The following LRRC37A3 variants were observed in gnomAD, a reference collection of about 807,000 sequenced individuals.
LRRC37A3 encodes leucine-rich repeat-containing protein 37A3.
LRRC37A3 carries 25 observed loss-of-function variants against 106.2 expected under a neutral mutation model. The observed-to-expected ratio is 0.24, with a 90% CI of 0.17 to 0.33. The LOEUF (loss-of-function observed/expected upper bound fraction) is 0.33. Among genes scored for constraint, LRRC37A3 ranks in the 10% least tolerant of loss-of-function variants. The pLI is 1.00. For missense variants in LRRC37A3, 712 were observed against 1,644.9 expected (o/e 0.43, Z 9.81); for synonymous variants, 305 against 635.8 (o/e 0.48, Z 7.83).
intron 10 of LRRC37A3, among the ~76,000 whole-genome samples, chr17:64,865,663 C>A (rs1176249995): frequency 3.3e-5 from 5 of 152,100 alleles, no homozygotes; most frequent in Non-Finnish European, 7.4e-5. Flanking sequence ...GACATAATGA[C>A]CCTTCACCAT....
At chr17:64,863,145 G>C in intron 10 of LRRC37A3, 127 bp from the exon 11 acceptor site, 4 of 1,317,590 alleles carry the variant, frequency 3.0e-6, no homozygotes, top group Non-Finnish European at 4.3e-6. Flanking sequence ...TGGACAGTTG[G>C]GTAGGAACCA....
intron 8 of LRRC37A3, among the ~76,000 whole-genome samples, chr17:64,872,917 G>C (rs1186609584): frequency 1.3e-5 from 2 of 152,078 alleles, no homozygotes; most frequent in Non-Finnish European, 2.9e-5. Context: ...GTCTAGCTGA[G>C]TGCTGAAGGT....
chr17:64,863,373 G>A (rs916772359), intron 10 of LRRC37A3: 36 of 259,878 alleles, frequency 1.4e-4, no homozygotes, highest in Non-Finnish European at 2.1e-4. Context: ...CCCAACTTCC[G>A]GAGTCCCTTT....
chr17:64,881,067 C>T (rs1183542000), intron 8 of LRRC37A3: 36 of 700,074 alleles, frequency 5.1e-5, no homozygotes, highest in Middle Eastern at 7.3e-4. Flanking sequence ...CCAATATGCG[C>T]GATGTACTTG....
At chr17:64,899,596 A>T (rs1430816453) in intron 2 of LRRC37A3, among the ~76,000 whole-genome samples, 1 of 145,936 alleles carries the variant, frequency 6.9e-6, no homozygotes, top group Non-Finnish European at 1.5e-5. Context: ...CACCCAAGAT[A>T]CGTGGGAGAT....
chr17:64,860,710 T>A lies in LRRC37A3; in HGVS notation c.3436A>T (p.Thr1146Ser), dbSNP rs1972839041. 6.2e-7 allele frequency: 1 copy of A among 1,613,870 alleles called. No homozygotes were observed. The highest frequency in any genetic ancestry group is 8.5e-7 in the Non-Finnish European group (1 of 1,179,892). ...SLLLPFIKLP[T>S]TGNSLAKIQT... Reference sequence around the variant, plus strand: ...ATCTTTGCCAGGCTGTTTCCTGTGGTTGGCAGTTTAATGAACGGTAGTAAC... The same window carrying A: ...ATCTTTGCCAGGCTGTTTCCTGTGGATGGCAGTTTAATGAACGGTAGTAAC... The change falls in exon 12 of 15, where the codon ACC becomes TCC. Residue 1146 changes from threonine (T) to serine (S), a missense_variant. Thr to Ser is a moderately conservative substitution (Grantham distance 58). Transcript: ENST00000584306.
chr17:64,861,034 C>T lies in LRRC37A3; in HGVS notation c.3173-61G>A. On this transcript the variant is annotated intron_variant, in intron 11 of 14. Transcript: ENST00000584306. ...GATGATGGGATGGGATGCATCAGTC[C>T]ATAGCTGTACACTCCAGTCACACAG... 1.9e-6 allele frequency: 3 copies of T among 1,610,078 alleles called. No individual in the cohort carries two copies. In the South Asian group the frequency reaches 3.3e-5, roughly 18 times the overall value.
chr17:64,868,398 A>G (rs1402466253), intron 10 of LRRC37A3, 64 bp downstream of exon 10: 2 of 1,570,390 alleles, frequency 1.3e-6, no homozygotes, highest in African/African-American at 2.8e-5. Flanking sequence ...TGACTTAAGA[A>G]AATAATAAAA....
At chr17:64,894,044 AC>A in intron 4 of LRRC37A3, among the ~76,000 whole-genome samples, 1 of 142,520 alleles carries the variant, frequency 7.0e-6, no homozygotes. Context: ...AAAGCTAGGG[AC>A]AAAAATGAGT....
intron 13 of LRRC37A3, among the ~76,000 whole-genome samples, 191 bp from the exon 14 acceptor site, chr17:64,856,080 G>C (rs553241272): frequency 4.9e-4 from 74 of 152,026 alleles, no homozygotes; most frequent in African/African-American, 1.7e-3. Context: ...ATCTTGCGGG[G>C]GATTGGTTCT....
rs368310040 is a variant in LRRC37A3 at position 64,860,382 on chromosome 17, G to A, written c.3764C>T (p.Ala1255Val). ...VSVLKPFSKG[A>V]PSTSSPAKAL... ...TTTTGCAGGGCTGGAGGTAGAAGGC[G>A]CGCCCTTGGAGAAGGGTTTCAGCAC... The change falls in exon 12 of 15, where the codon GCG becomes GTG. Residue 1255 changes from alanine to valine, a missense_variant. Transcript: ENST00000584306. The A allele has an allele frequency of 5.9e-5, 95 of 1,613,780 alleles. No individual in the cohort carries two copies. The highest frequency in any genetic ancestry group is 8.0e-5 in the African/African-American group (6 of 74,886).
At chr17:64,877,250 T>C (rs980010630) in intron 8 of LRRC37A3, among the ~76,000 whole-genome samples, 3 of 152,050 alleles carry the variant, frequency 2.0e-5, no homozygotes, top group African/African-American at 7.2e-5. Context: ...TGCCCAGGCT[T>C]GAGTGCAATG....
In LRRC37A3 at chr17:64,897,349, G is replaced by T. The variant is rs1598427996; in HGVS notation, c.-92C>A. The T allele has an allele frequency of 6.3e-7, 1 of 1,594,640 alleles. No individual in the cohort carries two copies. The highest frequency in any genetic ancestry group is 2.3e-5 in the East Asian group (1 of 44,020). On this transcript the variant is annotated 5_prime_UTR_variant, in exon 4 of 15. Transcript: ENST00000584306. ...TATTTATGCCACAGATCTGCTCCAT[G>T]TCACCAGGGCACTCTTATGTCACAA...
chr17:64,910,532 A>T (rs1974565842), intron 2 of LRRC37A3, among the ~76,000 whole-genome samples: 1 of 151,392 alleles, frequency 6.6e-6, no homozygotes, highest in African/African-American at 2.4e-5. Context: ...AAACCACTGT[A>T]GATTTTTCAG....
At chr17:64,874,680 C>T (rs1455375909) in intron 8 of LRRC37A3, among the ~76,000 whole-genome samples, 11 of 152,268 alleles carry the variant, frequency 7.2e-5, no homozygotes, top group Middle Eastern at 3.4e-3. Context: ...GGAAAAGATA[C>T]AGAAATCAGA....
intron 2 of LRRC37A3, among the ~76,000 whole-genome samples, chr17:64,910,553 T>G (rs1305163332): frequency 6.6e-6 from 1 of 151,562 alleles, no homozygotes; most frequent in Non-Finnish European, 1.5e-5. Flanking sequence ...AGTTGACTCC[T>G]ACGTTTTCAG....
At chr17:64,873,567 T>G (rs902636426) in intron 8 of LRRC37A3, among the ~76,000 whole-genome samples, 1 of 149,826 alleles carries the variant, frequency 6.7e-6, no homozygotes, top group East Asian at 2.0e-4. Context: ...CAATGTCTCA[T>G]CAAATAGAGA....
intron 2 of LRRC37A3, among the ~76,000 whole-genome samples, chr17:64,916,933 T>G: frequency 6.9e-6 from 1 of 145,380 alleles, no homozygotes; most frequent in Non-Finnish European, 1.5e-5. Flanking sequence ...ATATACTTAT[T>G]AAGGTGGCCA....
chr17:64,890,657 C>A (rs530467567), intron 5 of LRRC37A3, among the ~76,000 whole-genome samples: 5 of 137,146 alleles, frequency 3.6e-5, no homozygotes, highest in Admixed American at 3.5e-4. Context: ...CATGGTGAAA[C>A]CCTGTCTCTA....
Sources: allele counts gnomAD v4.1 joint callset (sites outside exome capture counted in the v4.1 genomes callset), GRCh38; gene constraint gnomAD v4.1.1; transcripts MANE v1.5; gene names NCBI Gene and HGNC (gene_info 2026-07-23, HGNC 2026-07-21).